The following LIMCH1 variants were observed in gnomAD, a reference collection of about 807,000 sequenced individuals.
The protein encoded by LIMCH1 is LIM and calponin homology domains-containing protein 1.
LIMCH1 carries 113 observed loss-of-function variants against 176.5 expected under a neutral mutation model. The observed-to-expected ratio is 0.64, with a 90% CI of 0.55 to 0.75. The LOEUF (loss-of-function observed/expected upper bound fraction) is 0.75, where lower values mean the gene tolerates loss of function less well. Ranked by LOEUF, LIMCH1 falls within the 30% of genes least tolerant of loss-of-function variation. The probability of loss-of-function intolerance (pLI) is 0.00; values close to 1 mark genes in which losing one functional copy is unlikely to be tolerated. For missense variants in LIMCH1, 1,674 were observed against 1,814.9 expected (o/e 0.92, Z 1.41); for synonymous variants, 619 against 645.9 (o/e 0.96, Z 0.63).
chr4:41,588,195 T>C (rs1254869964), intron 1 of LIMCH1, among the ~76,000 whole-genome samples: 1 of 152,100 alleles, frequency 6.6e-6, no homozygotes, highest in Non-Finnish European at 1.5e-5. Flanking sequence ...GTTTGGTTTT[T>C]TGTTCTTGCG....
intron 24 of LIMCH1, among the ~76,000 whole-genome samples, chr4:41,680,462 A>G (rs1183033518): frequency 1.3e-5 from 2 of 152,156 alleles, no homozygotes; most frequent in Non-Finnish European, 2.9e-5. Flanking sequence ...TATGAGGATA[A>G]TTTTGATATT....
At chr4:41,455,550 A>G (rs2064483683) in intron 1 of LIMCH1, among the ~76,000 whole-genome samples, 1 of 152,166 alleles carries the variant, frequency 6.6e-6, no homozygotes, top group Non-Finnish European at 1.5e-5. Flanking sequence ...ACGCTCAGCT[A>G]TTTCCAGGTG....
At chr4:41,526,400 C>T (rs1353500909) in intron 3 of LIMCH1, among the ~76,000 whole-genome samples, 1 of 151,972 alleles carries the variant, frequency 6.6e-6, no homozygotes, top group Non-Finnish European at 1.5e-5. Context: ...CTAACCCATT[C>T]ACTAGTGACT....
chr4:41,415,003 A>G (rs944454611), intron 1 of LIMCH1, among the ~76,000 whole-genome samples: 3 of 152,048 alleles, frequency 2.0e-5, no homozygotes, highest in African/African-American at 7.2e-5. Context: ...CCTCCTCCAT[A>G]TATACTACAG....
At chr4:41,419,259 C>T (rs1423717708) in intron 1 of LIMCH1, among the ~76,000 whole-genome samples, 2 of 151,972 alleles carry the variant, frequency 1.3e-5, no homozygotes, top group African/African-American at 4.8e-5. Context: ...CTCACTGCAA[C>T]CTTCGCCTCC....
intron 3 of LIMCH1, chr4:41,524,544 C>T: frequency 1.7e-6 from 2 of 1,156,818 alleles, no homozygotes; most frequent in South Asian, 2.5e-5. Flanking sequence ...GTCATGACAG[C>T]ACCATTTATT....
intron 1 of LIMCH1, among the ~76,000 whole-genome samples, chr4:41,587,860 C>G (rs1341711333): frequency 6.6e-6 from 1 of 152,130 alleles, no homozygotes; most frequent in Non-Finnish European, 1.5e-5. Context: ...ACACTTTGCT[C>G]CCATTATTGA....
chr4:41,426,256 CGT>C (rs1561333527), intron 1 of LIMCH1, among the ~76,000 whole-genome samples: 1 of 151,820 alleles, frequency 6.6e-6, no homozygotes, highest in African/African-American at 2.4e-5. Context: ...CTCCTGACCT[CGT>C]GATCCGCCCG....
At chr4:41,446,426 A>T (rs771621744) in intron 1 of LIMCH1, among the ~76,000 whole-genome samples, 22 of 152,212 alleles carry the variant, frequency 1.4e-4, no homozygotes, top group Non-Finnish European at 2.8e-4. Context: ...GAGATTCACA[A>T]ATATACGTAG....
intron 2 of LIMCH1, among the ~76,000 whole-genome samples, chr4:41,509,049 T>C (rs751576896): frequency 2.6e-5 from 4 of 152,176 alleles, no homozygotes; most frequent in African/African-American, 4.8e-5. Flanking sequence ...GGCTGATTAG[T>C]AGAGCAACAA....
intron 30 of LIMCH1, among the ~76,000 whole-genome samples, chr4:41,691,131 C>G (rs1301072148): frequency 6.6e-6 from 1 of 152,108 alleles, no homozygotes; most frequent in Non-Finnish European, 1.5e-5. Flanking sequence ...TCTAATCATT[C>G]ACTTCCTGGA....
chr4:41,495,658 C>A (rs963577700), intron 2 of LIMCH1, among the ~76,000 whole-genome samples: 1 of 152,082 alleles, frequency 6.6e-6, no homozygotes, highest in Admixed American at 6.5e-5. Context: ...ATTTAATCAC[C>A]CCAAGTCTCA....
chr4:41,390,058 C>T (rs1217961993), intron 1 of LIMCH1, among the ~76,000 whole-genome samples: 2 of 151,870 alleles, frequency 1.3e-5, no homozygotes, highest in Non-Finnish European at 2.9e-5. Context: ...TTTTTTTTAA[C>T]TGGAGAGACA....
Position 41,689,541 on chromosome 4 carries a change from A to C in LIMCH1, c.4181A>C (p.Lys1394Thr), listed in dbSNP as rs777750142. 1 of 1,604,784 alleles carries C rather than the reference A, an allele frequency of 6.2e-7. No homozygotes were observed. Among genetic ancestry groups the C allele is most frequent in the Non-Finnish European group, 8.5e-7 (1 of 1,171,636 alleles). Residue 1394 changes from lysine to threonine, a missense_variant, in exon 30 of 32, where the codon AAG becomes ACG. Lys to Thr is a moderately conservative substitution (Grantham distance 78, BLOSUM62 -1). Around this residue, in one of 3 missense-constraint regions of LIMCH1, gnomAD observed 1,015 missense variants for 1,102.5 expected, o/e 0.92. Coordinates refer to ENST00000503057, the MANE Select transcript of LIMCH1 (RefSeq NM_001330672.2). ...GQSPNRSISG[K>T]KLCSSCGLPL... ...TTTAAACCTAGGTCTATAAGTGGAA[A>C]GAAGCTGTGCTCTTCCTGTGGGCTT... is the stretch of plus-strand genomic sequence containing the variant.
intron 2 of LIMCH1, among the ~76,000 whole-genome samples, chr4:41,509,536 C>T (rs184824123): frequency 1.3e-5 from 2 of 152,318 alleles, no homozygotes; most frequent in East Asian, 3.9e-4. Context: ...TGGCCTGTCT[C>T]CAGCTGTTTG....
At chr4:41,395,533 G>A (rs905944302) in intron 1 of LIMCH1, among the ~76,000 whole-genome samples, 8 of 152,094 alleles carry the variant, frequency 5.3e-5, no homozygotes, top group Admixed American at 3.3e-4. Flanking sequence ...ATGAGCCACC[G>A]TGTCCGGCCG....
intron 1 of LIMCH1, among the ~76,000 whole-genome samples, chr4:41,447,460 A>T (rs2063399525): frequency 6.6e-6 from 1 of 152,360 alleles, no homozygotes; most frequent in Non-Finnish European, 1.5e-5. Flanking sequence ...ATGTCAATCC[A>T]AACTAGATGA....
intron 1 of LIMCH1, among the ~76,000 whole-genome samples, chr4:41,590,177 C>G (rs1372219245): frequency 6.6e-6 from 1 of 152,074 alleles, no homozygotes; most frequent in Non-Finnish European, 1.5e-5. Context: ...ACTTCAATTT[C>G]TGCCTCCCAG....
chr4:41,668,925 A>G (rs762881207), intron 21 of LIMCH1, among the ~76,000 whole-genome samples: 4 of 152,172 alleles, frequency 2.6e-5, no homozygotes, highest in Non-Finnish European at 4.4e-5. Context: ...CTTATTCACT[A>G]TCACAAGAAT....
Sources: gnomAD v4.1 joint callset for allele counts (sites outside exome capture counted in the v4.1 genomes callset) on GRCh38, gnomAD v4.1.1 for gene constraint, gnomAD v4.1.1 regional missense constraint, MANE v1.5 for transcripts, NCBI Gene and HGNC (gene_info 2026-07-23, HGNC 2026-07-21) for gene names.